Variants in FTO observed in about 807,000 individuals in gnomAD.
FTO encodes the protein alpha-ketoglutarate-dependent dioxygenase FTO.
FTO carries 47 observed loss-of-function variants against 63.9 expected under a neutral mutation model. The observed-to-expected ratio is 0.74, with a 90% CI of 0.58 to 0.94. FTO has a LOEUF of 0.94. Ranked by LOEUF, FTO falls within the 40% of genes least tolerant of loss-of-function variation. FTO has a pLI of 0.00. For synonymous variants in FTO, 207 were observed against 224.4 expected, an observed-to-expected ratio of 0.92 and a Z score of 0.69; for missense variants, 562 against 618.1, an observed-to-expected ratio of 0.91 and a Z score of 0.96.
chr16:53,805,747 G>T (rs2078347919), intron 1 of FTO, among the ~76,000 whole-genome samples: 1 of 152,158 alleles, frequency 6.6e-6, no homozygotes, highest in Non-Finnish European at 1.5e-5. Flanking sequence ...ACTGCAACTG[G>T]CTGTGGTGTG....
intron 3 of FTO, among the ~76,000 whole-genome samples, chr16:53,833,277 G>A (rs1011236637): frequency 2.0e-5 from 3 of 152,086 alleles, no homozygotes; most frequent in East Asian, 1.9e-4. Context: ...TTCCGGTTTC[G>A]GATATGTCTT....
At chr16:54,032,661 G>T (rs62034081) in intron 8 of FTO, among the ~76,000 whole-genome samples, 1 of 145,398 alleles carries the variant, frequency 6.9e-6, no homozygotes. Context: ...GTAGTTAAAG[G>T]CTTGCTTATT....
intron 1 of FTO, among the ~76,000 whole-genome samples, chr16:53,744,968 T>A (rs2076616069): frequency 6.6e-6 from 1 of 152,154 alleles, no homozygotes; most frequent in Non-Finnish European, 1.5e-5. Flanking sequence ...TTAAATAAGA[T>A]CACTGATATC....
At chr16:53,885,886 C>T (rs2080983608) in intron 6 of FTO, among the ~76,000 whole-genome samples, 1 of 152,092 alleles carries the variant, frequency 6.6e-6, no homozygotes, top group African/African-American at 2.4e-5. Context: ...TAGCTGGGAG[C>T]ACAGGCGCGT....
intron 3 of FTO, among the ~76,000 whole-genome samples, chr16:53,843,502 G>A (rs931797048): frequency 3.3e-5 from 5 of 152,060 alleles, no homozygotes; most frequent in African/African-American, 1.2e-4. Context: ...TTCCTTTTAT[G>A]TATTGTGCCT....
At chr16:53,791,008 T>C (rs2077898712) in intron 1 of FTO, among the ~76,000 whole-genome samples, 1 of 152,120 alleles carries the variant, frequency 6.6e-6, no homozygotes, top group Non-Finnish European at 1.5e-5. Flanking sequence ...GAGGATGTCA[T>C]AGAAACGAAG....
chr16:54,028,881 T>C (rs2084773213), intron 8 of FTO, among the ~76,000 whole-genome samples: 1 of 152,184 alleles, frequency 6.6e-6, no homozygotes, highest in South Asian at 2.1e-4. Flanking sequence ...AAGATATTTC[T>C]TCATTATAGA....
intron 1 of FTO, among the ~76,000 whole-genome samples, chr16:53,709,074 G>A (rs1250409537): frequency 6.6e-6 from 1 of 152,128 alleles, no homozygotes; most frequent in African/African-American, 2.4e-5. Flanking sequence ...AAGTCACAAA[G>A]ATTTCTTTTT....
chr16:53,879,048 A>C (rs2080749777), intron 5 of FTO, among the ~76,000 whole-genome samples: 1 of 152,126 alleles, frequency 6.6e-6, no homozygotes, highest in South Asian at 2.1e-4. Flanking sequence ...GTGCTTTTGA[A>C]CCAGCTTTGC....
chr16:53,873,061 A>C (rs2080544979), intron 4 of FTO, among the ~76,000 whole-genome samples: 1 of 152,206 alleles, frequency 6.6e-6, no homozygotes, highest in East Asian at 1.9e-4. Context: ...TTCTGTTCTA[A>C]GAGCCAAACA....
intron 8 of FTO, among the ~76,000 whole-genome samples, chr16:54,064,951 C>T (rs2085684898): frequency 6.6e-6 from 1 of 151,956 alleles, no homozygotes; most frequent in African/African-American, 2.4e-5. Context: ...AGAGGTCTTT[C>T]CCTGGCTGCA....
chr16:53,907,567 AAGTC>A (rs1452584216), intron 7 of FTO, among the ~76,000 whole-genome samples: 1 of 152,146 alleles, frequency 6.6e-6, no homozygotes, highest in Non-Finnish European at 1.5e-5. Flanking sequence ...GAAAAATTGT[AAGTC>A]AGACAAACCA....
intron 7 of FTO, among the ~76,000 whole-genome samples, chr16:53,919,889 C>A (rs1305202203): frequency 6.6e-6 from 1 of 152,250 alleles, no homozygotes; most frequent in African/African-American, 2.4e-5. Flanking sequence ...ACAGTGTACA[C>A]TGCTCAGGTG....
intron 4 of FTO, among the ~76,000 whole-genome samples, chr16:53,868,823 C>CCTTT (rs1332471111): frequency 2.0e-5 from 3 of 151,384 alleles, no homozygotes; most frequent in East Asian, 1.9e-4. Flanking sequence ...TTTAAAAAAT[C>CCTTT]CTTTCTTTCT....
chr16:53,821,510 G>A (rs1467467027), intron 2 of FTO, among the ~76,000 whole-genome samples: 1 of 152,150 alleles, frequency 6.6e-6, no homozygotes, highest in Non-Finnish European at 1.5e-5. Context: ...CACTGTTTCT[G>A]TTTTCCAATG....
intron 1 of FTO, among the ~76,000 whole-genome samples, chr16:53,761,027 C>T (rs1417888068): frequency 6.6e-6 from 1 of 151,152 alleles, no homozygotes; most frequent in Non-Finnish European, 1.5e-5. Context: ...CTTTCCCTTT[C>T]CCTTTCCTTC....
chr16:53,837,285 T>C (rs571106296), intron 3 of FTO, among the ~76,000 whole-genome samples: 3 of 152,312 alleles, frequency 2.0e-5, no homozygotes, highest in East Asian at 3.9e-4. Flanking sequence ...TTAAATTTTT[T>C]CCCCAAATGC....
At chr16:54,067,515 A>G (rs868020724) in intron 8 of FTO, among the ~76,000 whole-genome samples, 1 of 152,260 alleles carries the variant, frequency 6.6e-6, no homozygotes, top group South Asian at 2.1e-4. Flanking sequence ...ATCAGCCACC[A>G]GCTGTCTGAC....
intron 4 of FTO, among the ~76,000 whole-genome samples, chr16:53,865,027 T>C (rs1316763460): frequency 6.6e-6 from 1 of 152,162 alleles, no homozygotes; most frequent in Non-Finnish European, 1.5e-5. Flanking sequence ...TGACTCAGTG[T>C]TCCCCTCAGT....
Sources: gnomAD v4.1 joint callset for allele counts (sites outside exome capture counted in the v4.1 genomes callset) on GRCh38, gnomAD v4.1.1 for gene constraint, MANE v1.5 for transcripts, NCBI Gene and HGNC (gene_info 2026-07-23, HGNC 2026-07-21) for gene names.